The following VMP1 variants were observed in gnomAD, a reference collection of about 807,000 sequenced individuals.
VMP1 encodes ectopic P-granules autophagy protein 3 homolog.
A neutral mutation model predicts 56.0 loss-of-function variants in VMP1; 11 were observed. The ratio of observed to expected loss-of-function variants is 0.20; its 90% confidence interval spans 0.12 to 0.32. The LOEUF (loss-of-function observed/expected upper bound fraction) is 0.32, where lower values mean the gene tolerates loss of function less well. Among genes scored for constraint, VMP1 ranks in the 10% least tolerant of loss-of-function variants. The probability of loss-of-function intolerance (pLI) is 1.00; values close to 1 mark genes in which losing one functional copy is unlikely to be tolerated. For missense variants in VMP1, 296 were observed against 490.3 expected, an observed-to-expected ratio of 0.60 and a Z score of 3.74; for synonymous variants, 149 against 165.0, an observed-to-expected ratio of 0.90 and a Z score of 0.74.
intron 7 of VMP1, among the ~76,000 whole-genome samples, chr17:59,789,771 G>T (rs1254268435): frequency 6.7e-6 from 1 of 149,826 alleles, no homozygotes; most frequent in Non-Finnish European, 1.5e-5. Flanking sequence ...TGTTTGTCAT[G>T]ATCAATCTGC....
At chr17:59,814,235 C>T (rs1473268007) in intron 9 of VMP1, among the ~76,000 whole-genome samples, 4 of 152,166 alleles carry the variant, frequency 2.6e-5, no homozygotes, top group Non-Finnish European at 5.9e-5. Flanking sequence ...CCTTGGCCTC[C>T]CAAAGTGCTG....
At chr17:59,713,443 T>C (rs1215497461) in intron 1 of VMP1, among the ~76,000 whole-genome samples, 1 of 152,028 alleles carries the variant, frequency 6.6e-6, no homozygotes, top group Non-Finnish European at 1.5e-5. Flanking sequence ...CACTTACATA[T>C]ATAAATCTAG....
At chr17:59,770,368 A>T (rs752166173) in intron 6 of VMP1, among the ~76,000 whole-genome samples, 7 of 152,206 alleles carry the variant, frequency 4.6e-5, no homozygotes, top group Non-Finnish European at 7.3e-5. Context: ...ACTCAAGTTC[A>T]GCTAGTATTA....
At chr17:59,806,475 C>T (rs1038112313) in intron 7 of VMP1, among the ~76,000 whole-genome samples, 1 of 151,918 alleles carries the variant, frequency 6.6e-6, no homozygotes, top group Non-Finnish European at 1.5e-5. Flanking sequence ...GCCTGTAATC[C>T]TAGCACTTTG....
At chr17:59,780,466 G>A (rs751021154) in intron 7 of VMP1, among the ~76,000 whole-genome samples, 2 of 152,122 alleles carry the variant, frequency 1.3e-5, no homozygotes, top group African/African-American at 2.4e-5. Context: ...GTAGTAGTAC[G>A]GTGCTTACCA....
chr17:59,739,047 C>A, intron 5 of VMP1, 100 bp downstream of exon 5: 1 of 934,104 alleles, frequency 1.1e-6, no homozygotes, highest in Non-Finnish European at 1.5e-6. Flanking sequence ...GTTTTAATTA[C>A]CTTTGTGTTT....
intron 7 of VMP1, among the ~76,000 whole-genome samples, chr17:59,783,572 T>G (rs1402890310): frequency 6.6e-6 from 1 of 152,192 alleles, no homozygotes; most frequent in Non-Finnish European, 1.5e-5. Context: ...GGTTTAATTA[T>G]TCTCTTTATG....
At chr17:59,773,985 A>G in intron 7 of VMP1, 100 bp downstream of exon 7, 1 of 1,185,092 alleles carries the variant, frequency 8.4e-7, no homozygotes. Context: ...AAAACTGCTA[A>G]AGTAAAAAAA....
chr17:59,717,016 G>T (rs1387865784), intron 1 of VMP1, among the ~76,000 whole-genome samples: 1 of 151,186 alleles, frequency 6.6e-6, no homozygotes, highest in Non-Finnish European at 1.5e-5. Context: ...GTCTCGCTCT[G>T]TCGCCCAGGC....
chr17:59,731,483 G>A lies in VMP1; in HGVS notation c.37G>A (p.Val13Ile), dbSNP rs2034822621. Reference sequence around the variant, plus strand: ...TGGAAAAAATTGTGACCAGAGACGTGTAGCAATGAACAAGGAACATCATAA... The same window carrying A: ...TGGAAAAAATTGTGACCAGAGACGTATAGCAATGAACAAGGAACATCATAA... ...ENGKNCDQRRVAMNKEHHNGN... is the reference protein window; with the variant it reads ...ENGKNCDQRRIAMNKEHHNGN... Residue 13 changes from valine to isoleucine, a missense_variant, in exon 2 of 12, where the codon GTA becomes ATA. This residue lies in a region of VMP1 where 69 missense variants were observed against 76.6 expected (regional missense o/e 0.90). Transcript: ENST00000262291. 1.3e-6 allele frequency: 2 copies of A among 1,593,754 alleles called. No individual in the cohort carries two copies. Among genetic ancestry groups the A allele is most frequent in the Admixed American group, 1.8e-5 (1 of 54,992 alleles).
At chr17:59,808,715 A>C (rs1367258431) in intron 7 of VMP1, 81 bp from the exon 8 acceptor site, 4 of 1,138,392 alleles carry the variant, frequency 3.5e-6, no homozygotes, top group African/African-American at 3.1e-5. Flanking sequence ...AGATTGGGAG[A>C]TCTTTAATAA....
chr17:59,772,295 T>C (rs983628347), intron 6 of VMP1, among the ~76,000 whole-genome samples: 5 of 152,018 alleles, frequency 3.3e-5, no homozygotes, highest in African/African-American at 1.2e-4. Flanking sequence ...CTGGACTCTT[T>C]TTCAAAATTC....
Position 59,808,834 on chromosome 17 carries a change from A to G in VMP1, c.753A>G (p.Leu251=). 2 of 1,614,128 alleles carry G rather than the reference A, an allele frequency of 1.2e-6. No homozygotes were observed. Among genetic ancestry groups the G allele is most frequent in the South Asian group, 1.1e-5 (1 of 91,074 alleles). The change falls in exon 8 of 12, where the codon CTA becomes CTG. Residue 251 remains leucine (L), a synonymous_variant. Coordinates refer to ENST00000262291, the MANE Select transcript of VMP1 (RefSeq NM_030938.5). Reference sequence around the variant, plus strand: ...GGGCCAAACTGGCAGTTCAAAAACTAGTACAGAAAGTTGGATTTTTTGGAA... The same window carrying G: ...GGGCCAAACTGGCAGTTCAAAAACTGGTACAGAAAGTTGGATTTTTTGGAA... ...ASRAKLAVQK[L]VQKVGFFGIL... is the part of the protein sequence containing the mutation.
intron 7 of VMP1, among the ~76,000 whole-genome samples, chr17:59,806,532 T>G (rs1262686929): frequency 6.6e-6 from 1 of 151,808 alleles, no homozygotes; most frequent in Non-Finnish European, 1.5e-5. Context: ...CCTGACAATA[T>G]GATGAAACCC....
intron 1 of VMP1, among the ~76,000 whole-genome samples, chr17:59,714,376 G>A (rs2034066780): frequency 2.0e-5 from 3 of 152,004 alleles, no homozygotes; most frequent in Admixed American, 2.0e-4. Flanking sequence ...ATTCATAAGG[G>A]CAGAGCCTCC....
At chr17:59,785,117 G>A (rs1158188078) in intron 7 of VMP1, 1 of 152,186 alleles carries the variant, frequency 6.6e-6, no homozygotes, top group Non-Finnish European at 1.5e-5. Flanking sequence ...TAATGGAGGA[G>A]TCCGGGAGTG....
intron 1 of VMP1, among the ~76,000 whole-genome samples, chr17:59,714,270 C>T (rs1044362224): frequency 6.6e-6 from 1 of 151,974 alleles, no homozygotes; most frequent in Non-Finnish European, 1.5e-5. Context: ...AGTGTGCAAG[C>T]TCAGTTCTCT....
At chr17:59,778,816 T>A (rs1382007051) in intron 7 of VMP1, among the ~76,000 whole-genome samples, 1 of 152,228 alleles carries the variant, frequency 6.6e-6, no homozygotes, top group Non-Finnish European at 1.5e-5. Context: ...TACAATGGTA[T>A]GAAATTGATA....
rs1179269248 is a variant in VMP1 at position 59,772,950 on chromosome 17, CTTTTTTTTTT to C, written c.583-783_583-774del. Among the ~76,000 whole-genome samples, 16 of 55,712 alleles carry C rather than the reference CTTTTTTTTTT, an allele frequency of 2.9e-4. No homozygotes were observed. In the East Asian group the frequency reaches 3.6e-3, roughly 12 times the overall value. 36.5% of individuals were successfully genotyped at this position (55,712 alleles called of 152,430 possible). A position where few individuals can be genotyped will look rare whatever the true frequency, so the allele number is the denominator to read the frequency against. ...TATCTAACACATATACTGGTGAATT[CTTTTTTTTTT>C]TTTTTTTTTTTTTTTTTTTTGAGAC... On this transcript the variant is annotated intron_variant, in intron 6 of 11. Transcript: ENST00000262291.
Sources: gnomAD v4.1 joint callset for allele counts (sites outside exome capture counted in the v4.1 genomes callset) on GRCh38, gnomAD v4.1.1 for gene constraint, gnomAD v4.1.1 regional missense constraint, MANE v1.5 for transcripts, NCBI Gene and HGNC (gene_info 2026-07-23, HGNC 2026-07-21) for gene names.